The following PLXNB3 variants were observed in gnomAD, a reference collection of about 807,000 sequenced individuals.
PLXNB3 encodes the protein plexin-B3.
Under a neutral mutation model 125.7 loss-of-function variants are expected in PLXNB3, and 80 were observed. The ratio of observed to expected loss-of-function variants is 0.64; its 90% CI spans 0.53 to 0.77. The LOEUF (loss-of-function observed/expected upper bound fraction) is 0.77, where lower values mean the gene tolerates loss of function less well. Among genes scored for constraint, PLXNB3 ranks in the 30% least tolerant of loss-of-function variants. The pLI is 0.00. For missense variants in PLXNB3, 1,836 were observed against 1,729.3 expected, an observed-to-expected ratio of 1.06 and a Z score of -1.09; for synonymous variants, 954 against 783.3, an observed-to-expected ratio of 1.22 and a Z score of -3.64.
Position 153,770,581 on chromosome X carries a change from G to C in PLXNB3, c.1949G>C (p.Ser650Thr). Residue 650 changes from serine (S) to threonine (T), a missense_variant, in exon 10 of 36, where the codon AGC becomes ACC. Ser to Thr is a moderately conservative substitution (Grantham distance 58). Transcript: ENST00000361971. ...CGGTGTCACTGGTGCCCGCAGAGTA[G>C]CCACTGCGTGTACGGAGAGCACTGC... is the stretch of plus-strand genomic sequence containing the variant. The part of the protein sequence containing the change: ...IWRCHWCPQS[S>T]HCVYGEHCPE... 2.6e-5 allele frequency: 31 copies of C among 1,211,369 alleles called. No homozygotes were observed. Among genetic ancestry groups the C allele is most frequent in the Non-Finnish European group, 3.5e-5 (31 of 895,458 alleles).
rs2091882578 is a variant in PLXNB3 at position 153,768,287 on chromosome X, C to T, written c.1125C>T (p.Thr375=). The T allele has an allele frequency of 3.3e-6, 4 of 1,206,736 alleles. No individual in the cohort carries two copies. Among genetic ancestry groups the T allele is most frequent in the Non-Finnish European group, 4.5e-6 (4 of 891,806 alleles). The change falls in exon 4 of 36, where the codon ACC becomes ACT. Residue 375 remains threonine (T), a synonymous_variant. Coordinates refer to ENST00000361971, the MANE Select transcript of PLXNB3 (RefSeq NM_005393.3). ...PESYPCGDEH[T]PSPIAGRQPL... ...CGTACCCCTGTGGCGACGAGCACAC[C>T]CCCAGCCCCATTGCTGGCCGCCAGC...
chrX:153,766,844 C>T (rs782304481), intron 2 of PLXNB3, 29 bp from the exon 3 acceptor site: 17 of 1,158,426 alleles, frequency 1.5e-5, no homozygotes, highest in Non-Finnish European at 2.0e-5. Context: ...CCTTGCGCTC[C>T]CACTGCCCTG....
At position 153,768,193 on chromosome X, in the gene PLXNB3, C is replaced by G. The variant is rs1192143231; in HGVS notation, c.1087-56C>G. 1.2e-5 allele frequency: 13 copies of G among 1,094,801 alleles called. No homozygotes were observed. In the East Asian group the frequency reaches 2.2e-4, roughly 18 times the overall value. The allele number at this position is 1,094,801 out of a possible 1,213,427, so 90.2% of individuals were successfully genotyped here. On this transcript the variant is annotated intron_variant, in intron 3 of 35. Coordinates refer to ENST00000361971, the MANE Select transcript of PLXNB3 (RefSeq NM_005393.3). The stretch of plus-strand genomic sequence containing the variant: ...TCCCGCTGGCAGCCTGGGTACCCCC[C>G]CTGACTGCCTCTCTGCTCTCTTCCG...
rs1415538475 is a variant in PLXNB3, at chrX:153,766,339, CCT to C, written c.46-533_46-532del. 7.9e-6 allele frequency: 9 copies of C among 1,141,624 alleles called. No homozygotes were observed. In the South Asian group the frequency reaches 8.3e-5, roughly 10 times the overall value. 94.1% of individuals were successfully genotyped at this position (1,141,624 alleles called of 1,213,427 possible). The stretch of plus-strand genomic sequence containing the variant: ...GGCTGCCCAAGGCAGGTTTTCTCTC[CCT>C]GTCTGGTCCCTTGGGGCACACGGTG... On this transcript the variant is annotated intron_variant, in intron 2 of 35. Transcript: ENST00000361971.
intron 6 of PLXNB3, 118 bp from the exon 7 acceptor site, chrX:153,769,689 C>T: frequency 2.6e-6 from 2 of 764,981 alleles, no homozygotes; most frequent in Non-Finnish European, 3.8e-6. Context: ...CCCCTTCACG[C>T]CTCCTGCTCA....
At chrX:153,770,471 G>C (rs782654457) in intron 9 of PLXNB3, 25 bp downstream of exon 9, 6 of 1,198,844 alleles carry the variant, frequency 5.0e-6, no homozygotes, top group East Asian at 3.0e-5. Context: ...CTGCCTCCTG[G>C]GGTAGGGGTG....
At position 153,776,868 on chromosome X, in the gene PLXNB3, C is replaced by T. The variant is rs782599085; in HGVS notation, c.4834-19C>T. 1.2e-5 allele frequency: 13 copies of T among 1,127,461 alleles called. No homozygotes were observed. The East Asian group carries it at 1.2e-4, about 11-fold the overall frequency. 92.9% of individuals were successfully genotyped at this position (1,127,461 alleles called of 1,213,427 possible). ...CCTGGCTAGGGGTCAGCACAGCCTC[C>T]GCTCCCCATCTCTGCCAGGTCCCAG... On this transcript the variant is annotated intron_variant, in intron 28 of 35. Coordinates refer to ENST00000361971, the MANE Select transcript of PLXNB3 (RefSeq NM_005393.3).
chrX:153,777,716 T>C (rs1557064989), intron 31 of PLXNB3, 28 bp downstream of exon 31: 1 of 1,198,318 alleles, frequency 8.3e-7, no homozygotes, highest in Admixed American at 2.2e-5. Context: ...CCACCCCTGC[T>C]GTGCATATGG....
Position 153,774,092 on chromosome X carries a change from T to C in PLXNB3, c.3513T>C (p.Asp1171=). 2.5e-6 allele frequency: 3 copies of C among 1,190,654 alleles called. No homozygotes were observed. Among genetic ancestry groups the C allele is most frequent in the Non-Finnish European group, 3.4e-6 (3 of 885,691 alleles). Reference sequence around the variant, plus strand: ...GCCTCAAGCCAGGCCATGTCCTGGATGTGGAGGTGAGGGCCACCTTCAACC... The same window carrying C: ...GCCTCAAGCCAGGCCATGTCCTGGACGTGGAGGTGAGGGCCACCTTCAACC... ...PYRLKPGHVL[D]VEGEGLNLGI... Residue 1171 remains aspartate, a synonymous_variant, in exon 20 of 36, where the codon GAT becomes GAC. Transcript: ENST00000361971.
chrX:153,774,469 C>A lies in PLXNB3; in HGVS notation c.3728C>A (p.Ala1243Asp). 2 of 1,205,512 alleles carry A rather than the reference C, an allele frequency of 1.7e-6. No homozygotes were observed. The highest frequency in any genetic ancestry group is 2.2e-6 in the Non-Finnish European group (2 of 892,750). Residue 1243 changes from alanine (A) to aspartate (D), a missense_variant, in exon 22 of 36, where the codon GCT (alanine) becomes GAT (aspartate). Transcript: ENST00000361971. ...QLALGPVQYE[A>D]EPPLSAFPVE... ...GCCCTGGGCCCTGTGCAGTACGAGG[C>A]TGAACCCCCGCTGTCTGCCTTTCCC...
chrX:153,772,022 C>A lies in PLXNB3; in HGVS notation c.2669+7C>A, dbSNP rs782597103. 2 of 1,181,709 alleles carry A rather than the reference C, an allele frequency of 1.7e-6. No individual in the cohort carries two copies. Among genetic ancestry groups the A allele is most frequent in the South Asian group, 3.8e-5 (2 of 52,417 alleles). ...TCTACCGCACGTCGGCCCGGTGAGGCACTTGGAGGGTGAAGATGGGTGGGG... is the reference window on the plus strand; with the variant it reads ...TCTACCGCACGTCGGCCCGGTGAGGAACTTGGAGGGTGAAGATGGGTGGGG... On this transcript the variant is annotated splice_region_variant and intron_variant, in intron 15 of 35. Coordinates refer to ENST00000361971, the MANE Select transcript of PLXNB3 (RefSeq NM_005393.3).
Position 153,776,161 on chromosome X carries a change from T to A in PLXNB3, c.4676T>A (p.Val1559Asp), listed in dbSNP as rs782695147. The change falls in exon 27 of 36, where the codon GTC becomes GAC. Residue 1559 changes from valine to aspartate, a missense_variant. Transcript: ENST00000361971. Reference sequence around the variant, plus strand: ...GTCAAGGAGAAGGTGTTGGACCAAGTCTACAAGGGCACCCCCTTCTCCCAG... The same window carrying A: ...GTCAAGGAGAAGGTGTTGGACCAAGACTACAAGGGCACCCCCTTCTCCCAG... Reference protein sequence around the residue: ...TQVKEKVLDQVYKGTPFSQRP... With the variant: ...TQVKEKVLDQDYKGTPFSQRP... 2.5e-6 allele frequency: 3 copies of A among 1,198,334 alleles called. No homozygotes were observed. The highest frequency in any genetic ancestry group is 3.4e-6 in the Non-Finnish European group (3 of 888,858).
rs1261389474 is a variant in PLXNB3, at chrX:153,773,840, G to A, written c.3280-19G>A. On this transcript the variant is annotated intron_variant, in intron 19 of 35. Transcript: ENST00000361971. ...AGCCCAGCTCACTCCACCTGTGGTC[G>A]GCCCTGAATGCCCCACAGTGCTCCA... The A allele has an allele frequency of 6.6e-6, 8 of 1,209,145 alleles. No homozygotes were observed. Among genetic ancestry groups the A allele is most frequent in the Non-Finnish European group, 6.7e-6 (6 of 895,000 alleles).
At position 153,777,327 on chromosome X, in the gene PLXNB3, G is replaced by C; in HGVS notation, c.5047G>C (p.Ala1683Pro). The change falls in exon 30 of 36, where the codon GCA becomes CCA. Residue 1683 changes from alanine (A) to proline (P), a missense_variant. By Grantham distance (27) the Ala-to-Pro change is conservative (BLOSUM62 -1). Transcript: ENST00000361971. ...RCSSLREREP[A>P]RAKAIPEIYL... ...CAGCAGCCTGCGGGAGCGCGAGCCAGCAAGGGCCAAGGCCATTCCGGAAAT... is the reference window on the plus strand; with the variant it reads ...CAGCAGCCTGCGGGAGCGCGAGCCACCAAGGGCCAAGGCCATTCCGGAAAT... 8.3e-7 allele frequency: 1 copy of C among 1,207,503 alleles called. No homozygotes were observed. The highest frequency in any genetic ancestry group is 1.1e-6 in the Non-Finnish European group (1 of 892,587).
In PLXNB3 at chrX:153,777,723, A is replaced by G. The variant is rs782230954; in HGVS notation, c.5261+35A>G. ...CTGCTGCCCCACCCCTGCTGTGCAT[A>G]TGGTCCACTGAGTCCCAGAGAGACC... On this transcript the variant is annotated intron_variant, in intron 31 of 35. Transcript: ENST00000361971. The G allele has an allele frequency of 1.0e-5, 12 of 1,189,930 alleles. No homozygotes were observed. The African/African-American group carries it at 1.6e-4, about 16-fold the overall frequency.
chrX:153,770,419 C>G lies in PLXNB3; in HGVS notation c.1868C>G (p.Ala623Gly). Residue 623 changes from alanine to glycine, a missense_variant, in exon 9 of 36, where the codon GCC (alanine) becomes GGC (glycine). By Grantham distance (60) the Ala-to-Gly change is moderately conservative (BLOSUM62 0). Coordinates refer to ENST00000361971, the MANE Select transcript of PLXNB3 (RefSeq NM_005393.3). The stretch of plus-strand genomic sequence containing the variant: ...AACTTCTCCTTTTATGACTGCAGTG[C>G]CGTCCAGGCCTTGGAGGCGGCTGCC... Reference protein sequence around the residue: ...ATNFSFYDCSAVQALEAAAPC... With the variant: ...ATNFSFYDCSGVQALEAAAPC... The G allele has an allele frequency of 8.3e-7, 1 of 1,209,924 alleles. No homozygotes were observed. The highest frequency in any genetic ancestry group is 3.0e-5 in the East Asian group (1 of 33,842).
Position 153,775,063 on chromosome X carries a change from A to G in PLXNB3, c.4115A>G (p.Gln1372Arg). 8.3e-7 allele frequency: 1 copy of G among 1,208,914 alleles called. No homozygotes were observed. Among genetic ancestry groups the G allele is most frequent in the South Asian group, 1.8e-5 (1 of 56,563 alleles). ...GCCACTGTGCGCCAGGGCCTCACGCAGCTCTCCAACCTGCTCAACAGCAAG... is the reference window on the plus strand; with the variant it reads ...GCCACTGTGCGCCAGGGCCTCACGCGGCTCTCCAACCTGCTCAACAGCAAG... ...HCATVRQGLT[Q>R]LSNLLNSKLF... Residue 1372 changes from glutamine (Q) to arginine (R), a missense_variant, in exon 24 of 36, where the codon CAG (glutamine) becomes CGG (arginine). Gln to Arg is a conservative substitution (Grantham distance 43). Transcript: ENST00000361971.
Position 153,772,986 on chromosome X carries a change from G to A in PLXNB3, c.2876G>A (p.Ser959Asn). The A allele has an allele frequency of 8.4e-7, 1 of 1,196,559 alleles. No homozygotes were observed. The highest frequency in any genetic ancestry group is 1.1e-6 in the Non-Finnish European group (1 of 889,678). The change falls in exon 17 of 36, where the codon AGT becomes AAT. Residue 959 changes from serine (S) to asparagine (N), a missense_variant. Coordinates refer to ENST00000361971, the MANE Select transcript of PLXNB3 (RefSeq NM_005393.3). ...GQHLQTGGNT[S>N]AFVGGQPCPI... ...CACCTCCAGACAGGTGGCAACACCA[G>A]TGCCTTCGTGGGTGGCCAACCCTGT...
intron 19 of PLXNB3, 28 bp from the exon 20 acceptor site, chrX:153,773,831 C>T: frequency 8.3e-7 from 1 of 1,210,072 alleles, no homozygotes; most frequent in African/African-American, 1.7e-5. Context: ...GCTCACTCCA[C>T]CTGTGGTCGG....
Sources: allele counts gnomAD v4.1 joint callset, GRCh38; gene constraint gnomAD v4.1.1; transcripts MANE v1.5; gene names NCBI Gene and HGNC (gene_info 2026-07-23, HGNC 2026-07-21).